KANK1: variants seen among roughly 807,000 people sequenced by gnomAD.
The protein encoded by KANK1 is KN motif and ankyrin repeat domain-containing protein 1.
KANK1 carries 109 observed loss-of-function variants against 106.2 expected under a neutral mutation model. The observed-to-expected ratio is 1.03, with a 90% CI of 0.88 to 1.20. KANK1 has a LOEUF of 1.20. Ranked by LOEUF, KANK1 falls within the 50% of genes most tolerant of loss-of-function variation. The pLI, the probability that KANK1 is intolerant of heterozygous loss-of-function variation, is 0.00. For missense variants in KANK1, 2,399 were observed against 1,710.7 expected, an observed-to-expected ratio of 1.40 and a Z score of -7.10; for synonymous variants, 873 against 652.2, an observed-to-expected ratio of 1.34 and a Z score of -5.16.
At chr9:561,820 A>G (rs964351972) in intron 1 of KANK1, among the ~76,000 whole-genome samples, 1 of 152,228 alleles carries the variant, frequency 6.6e-6, no homozygotes, top group Admixed American at 6.5e-5. Context: ...TCACACTGTT[A>G]AAGAAAACTG....
chr9:731,445 A>T (rs562564050), intron 5 of KANK1, 179 bp downstream of exon 5: 1 of 496,924 alleles, frequency 2.0e-6, no homozygotes, highest in African/African-American at 2.0e-5. Flanking sequence ...TGCTGTCTTT[A>T]AGGATTTGTC....
intron 1 of KANK1, among the ~76,000 whole-genome samples, chr9:588,493 G>A (rs112517950): frequency 0.013 from 1,903 of 151,892 alleles, 22 homozygotes; most frequent in Non-Finnish European, 0.017. Context: ...CTGTTTTCTC[G>A]AAAGGCCACA....
intron 1 of KANK1, among the ~76,000 whole-genome samples, chr9:670,142 G>A (rs1199708161): frequency 2.0e-5 from 3 of 151,952 alleles, no homozygotes; most frequent in Non-Finnish European, 2.9e-5. Flanking sequence ...TTGTTGTCTT[G>A]GAGATCCCTG....
chr9:619,676 T>C (rs1293844089), intron 1 of KANK1, among the ~76,000 whole-genome samples: 1 of 152,208 alleles, frequency 6.6e-6, no homozygotes, highest in African/African-American at 2.4e-5. Context: ...ATGCAGATGT[T>C]CGTAGATCAG....
intron 1 of KANK1, among the ~76,000 whole-genome samples, chr9:620,675 G>C (rs975381990): frequency 6.6e-5 from 10 of 152,160 alleles, no homozygotes; most frequent in South Asian, 2.1e-4. Context: ...AGAGTGCTGG[G>C]ATTACAGGCG....
At chr9:633,142 C>A (rs569134753) in intron 1 of KANK1, among the ~76,000 whole-genome samples, 405 of 152,202 alleles carry the variant, frequency 2.7e-3, no homozygotes, top group African/African-American at 9.4e-3. Flanking sequence ...TTTAATGAAA[C>A]CTTTTATGGA....
chr9:656,288 C>T (rs1588627527), intron 1 of KANK1, among the ~76,000 whole-genome samples: 1 of 152,160 alleles, frequency 6.6e-6, no homozygotes, highest in South Asian at 2.1e-4. Context: ...ACAAGACCTT[C>T]GCGTGAGGAG....
At chr9:670,438 A>C (rs1251350130) in intron 1 of KANK1, among the ~76,000 whole-genome samples, 4 of 152,260 alleles carry the variant, frequency 2.6e-5, no homozygotes, top group African/African-American at 9.6e-5. Context: ...CCTCTTTTTC[A>C]GCACTAAATG....
chr9:632,216 C>T (rs926564397), intron 1 of KANK1, among the ~76,000 whole-genome samples: 3 of 152,142 alleles, frequency 2.0e-5, no homozygotes, highest in Admixed American at 2.0e-4. Flanking sequence ...CAGATATTGG[C>T]AGCCAGCTTT....
intron 1 of KANK1, among the ~76,000 whole-genome samples, chr9:632,642 C>G (rs181495966): frequency 3.0e-3 from 451 of 152,210 alleles, no homozygotes; most frequent in African/African-American, 0.01. Flanking sequence ...AATTGATTAT[C>G]ACATTATCTG....
At chr9:558,156 A>AT in intron 1 of KANK1, among the ~76,000 whole-genome samples, 1 of 152,314 alleles carries the variant, frequency 6.6e-6, no homozygotes, top group African/African-American at 2.4e-5. Flanking sequence ...AAATTTTGGA[A>AT]GGGCATTAAG....
In KANK1 at chr9:730,160, A is replaced by G. The variant is rs1324357937; in HGVS notation, c.2808A>G (p.Pro936=). ...AAGTGGGGACCTCAGAAGGAAAGCCAATCAGCAGCCTGGATGCCTTCCCCA... is the reference window on the plus strand; with the variant it reads ...AAGTGGGGACCTCAGAAGGAAAGCCGATCAGCAGCCTGGATGCCTTCCCCA... ...EQEVGTSEGK[P]ISSLDAFPTQ... The change falls in exon 4 of 12, where the codon CCA becomes CCG. Residue 936 remains proline, a synonymous_variant. Coordinates refer to ENST00000382297, the MANE Select transcript of KANK1 (RefSeq NM_015158.5). 6.2e-7 allele frequency: 1 copy of G among 1,614,082 alleles called. No individual in the cohort carries two copies. Among genetic ancestry groups the G allele is most frequent in the Non-Finnish European group, 8.5e-7 (1 of 1,180,028 alleles).
At chr9:714,521 A>G (rs934590115) in intron 3 of KANK1, among the ~76,000 whole-genome samples, 1 of 151,896 alleles carries the variant, frequency 6.6e-6, no homozygotes, top group Non-Finnish European at 1.5e-5. Context: ...CACTATGCCC[A>G]GCCACTTTTG....
intron 1 of KANK1, among the ~76,000 whole-genome samples, chr9:555,983 A>G (rs10114004): frequency 8.5e-5 from 13 of 152,104 alleles, no homozygotes; most frequent in Admixed American, 8.5e-4. Context: ...AAACATTTTC[A>G]GAGTTATACT....
intron 1 of KANK1, among the ~76,000 whole-genome samples, chr9:614,981 C>G (rs952291189): frequency 2.0e-5 from 3 of 150,116 alleles, no homozygotes; most frequent in African/African-American, 7.3e-5. Context: ...GAGACAGGGT[C>G]TCAGGCTGGA....
chr9:658,275 G>A lies in KANK1; in HGVS notation c.-83-18615G>A, dbSNP rs1027104404. Among the ~76,000 whole-genome samples, 20 of 151,952 alleles carry A rather than the reference G, an allele frequency of 1.3e-4. 1 individual carries two copies. Among genetic ancestry groups the A allele is most frequent in the Middle Eastern group, 3.4e-3 (1 of 294 alleles). ...ATCATTTATTTTATTTTACTCATCCGCTTAAACCCATCAATGACTTTTAAC... is the reference window on the plus strand; with the variant it reads ...ATCATTTATTTTATTTTACTCATCCACTTAAACCCATCAATGACTTTTAAC... On this transcript the variant is annotated intron_variant, in intron 1 of 11. Coordinates refer to ENST00000382297, the MANE Select transcript of KANK1 (RefSeq NM_015158.5).
intron 2 of KANK1, among the ~76,000 whole-genome samples, chr9:691,895 G>A (rs147360616): frequency 4.0e-5 from 6 of 151,372 alleles, no homozygotes; most frequent in East Asian, 1.9e-4. Flanking sequence ...GGGATTACAC[G>A]CATGAGCCAC....
intron 3 of KANK1, among the ~76,000 whole-genome samples, chr9:718,689 C>A (rs1332118792): frequency 1.3e-5 from 2 of 152,124 alleles, no homozygotes; most frequent in Admixed American, 1.3e-4. Context: ...TAGTTTTTCT[C>A]CTACAGTCCC....
chr9:601,271 A>G (rs1827677315), intron 1 of KANK1, among the ~76,000 whole-genome samples: 1 of 151,846 alleles, frequency 6.6e-6, no homozygotes, highest in Non-Finnish European at 1.5e-5. Flanking sequence ...AAATTGGTCT[A>G]ATACTTCCAG....
Sources: allele counts gnomAD v4.1 joint callset (sites outside exome capture counted in the v4.1 genomes callset), GRCh38; gene constraint gnomAD v4.1.1; transcripts MANE v1.5; gene names NCBI Gene and HGNC (gene_info 2026-07-23, HGNC 2026-07-21).